The following GNB4 variants were observed in gnomAD, a reference collection of about 807,000 sequenced individuals.
GNB4 encodes guanine nucleotide-binding protein subunit beta-4.
GNB4 carries 28 observed loss-of-function variants against 45.2 expected under a neutral mutation model. The observed-to-expected ratio is 0.62, with a 90% CI of 0.46 to 0.85. The LOEUF (loss-of-function observed/expected upper bound fraction) is 0.85. Among genes scored for constraint, GNB4 ranks in the 40% least tolerant of loss-of-function variants. The pLI is 0.00. For synonymous variants in GNB4, 132 were observed against 143.7 expected (o/e 0.92, Z 0.58); for missense variants, 321 against 425.4 (o/e 0.75, Z 2.16).
At chr3:179,458,970 A>G in the GNB4 span, among the ~76,000 whole-genome samples, 1 of 152,198 alleles carries the variant, frequency 6.6e-6, no homozygotes, top group Non-Finnish European at 1.5e-5. Flanking sequence ...TACATTTAAC[A>G]TACATTTATA....
At chr3:179,409,764 C>G (rs1423754625) in intron 8 of GNB4, among the ~76,000 whole-genome samples, 1 of 149,504 alleles carries the variant, frequency 6.7e-6, no homozygotes, top group East Asian at 1.9e-4. Context: ...GAGCCGAGAT[C>G]GCACCACTAC....
chr3:179,417,002 G>T (rs1036490740), intron 4 of GNB4, among the ~76,000 whole-genome samples: 3 of 152,092 alleles, frequency 2.0e-5, no homozygotes, highest in African/African-American at 7.2e-5. Context: ...CTGCTCTTGA[G>T]GCCTCTACCA....
chr3:179,403,505 AAGTC>A (rs1157135968), intron 9 of GNB4, among the ~76,000 whole-genome samples: 4 of 152,122 alleles, frequency 2.6e-5, no homozygotes, highest in Non-Finnish European at 5.9e-5. Flanking sequence ...TATAATTAAA[AAGTC>A]AGGCCGGGCG....
At chr3:179,432,154 G>C (rs1715327262) in intron 1 of GNB4, among the ~76,000 whole-genome samples, 1 of 152,116 alleles carries the variant, frequency 6.6e-6, no homozygotes, top group Non-Finnish European at 1.5e-5. Context: ...AGGCATGATG[G>C]AAAGGGAGCG....
At chr3:179,519,619 G>T in the GNB4 span, among the ~76,000 whole-genome samples, 12 of 152,016 alleles carry the variant, frequency 7.9e-5, no homozygotes, top group Non-Finnish European at 1.6e-4. Flanking sequence ...TCCCTTATTA[G>T]GCCGAGACAT....
the GNB4 span, among the ~76,000 whole-genome samples, chr3:179,524,447 C>A: frequency 1.3e-5 from 2 of 152,236 alleles, no homozygotes; most frequent in East Asian, 3.8e-4. Context: ...GTGGCTTAGG[C>A]ATTTTGAAGT....
At chr3:179,489,109 T>G in the GNB4 span, among the ~76,000 whole-genome samples, 1 of 134,948 alleles carries the variant, frequency 7.4e-6, no homozygotes, top group African/African-American at 2.7e-5. Flanking sequence ...TATCAGAAAA[T>G]CACTATGAAT....
chr3:179,469,087 C>A, the GNB4 span, among the ~76,000 whole-genome samples: 1 of 152,158 alleles, frequency 6.6e-6, no homozygotes, highest in South Asian at 2.1e-4. Context: ...AACTGGAAGG[C>A]ACTCTGCTCC....
At chr3:179,431,629 T>C (rs1464119653) in intron 1 of GNB4, among the ~76,000 whole-genome samples, 2 of 152,214 alleles carry the variant, frequency 1.3e-5, no homozygotes, top group Non-Finnish European at 2.9e-5. Context: ...CTTATGGTAC[T>C]GTTTAACTTG....
At chr3:179,477,493 A>G in the GNB4 span, among the ~76,000 whole-genome samples, 5 of 152,192 alleles carry the variant, frequency 3.3e-5, no homozygotes, top group Non-Finnish European at 7.3e-5. Flanking sequence ...TCCAGTTTCC[A>G]ATATCTTGCT....
chr3:179,406,985 CTAAGA>C (rs1317074299), intron 8 of GNB4, among the ~76,000 whole-genome samples: 3 of 152,138 alleles, frequency 2.0e-5, no homozygotes, highest in East Asian at 1.9e-4. Flanking sequence ...TTTTCTTCAA[CTAAGA>C]TATTTTTTAA....
chr3:179,466,974 C>A, the GNB4 span, among the ~76,000 whole-genome samples: 2 of 152,138 alleles, frequency 1.3e-5, no homozygotes, highest in African/African-American at 4.8e-5. Context: ...TTAGCTCCCC[C>A]AGGAATGGTG....
the GNB4 span, among the ~76,000 whole-genome samples, chr3:179,504,239 T>C: frequency 2.0e-5 from 3 of 152,188 alleles, no homozygotes; most frequent in East Asian, 5.8e-4. Context: ...TAAAAATAAC[T>C]ATATATCACC....
chr3:179,480,854 C>CTTTTTTTTT, the GNB4 span, among the ~76,000 whole-genome samples: 1 of 124,994 alleles, frequency 8.0e-6, no homozygotes, highest in Non-Finnish European at 1.7e-5. Flanking sequence ...TTTTTTTTTT[C>CTTTTTTTTT]TTTTTTTTTT....
rs17292964 is a variant in GNB4, at chr3:179,399,875, G to A, written c.*1338C>T. 6.6e-6 allele frequency: 1 copy of A among 152,200 alleles called. No homozygotes were observed. Among genetic ancestry groups the A allele is most frequent in the Non-Finnish European group, 1.5e-5 (1 of 68,002 alleles). The allele number at this position is 152,200 out of a possible 1,614,324, so 9.4% of individuals were successfully genotyped here. Reference sequence around the variant, plus strand: ...TATTATCAGTCATTTAGACTTATTTGTAAAAGAGAATCCAACAGGAAAAGT... The same window carrying A: ...TATTATCAGTCATTTAGACTTATTTATAAAAGAGAATCCAACAGGAAAAGT... On this transcript the variant is annotated 3_prime_UTR_variant, in exon 10 of 10. Coordinates refer to ENST00000232564, the MANE Select transcript of GNB4 (RefSeq NM_021629.4).
the GNB4 span, among the ~76,000 whole-genome samples, chr3:179,491,463 G>A: frequency 1.3e-5 from 2 of 152,082 alleles, no homozygotes; most frequent in African/African-American, 4.8e-5. Flanking sequence ...GAAGGCTTAG[G>A]GTAGATATAT....
the GNB4 span, among the ~76,000 whole-genome samples, chr3:179,473,039 T>C: frequency 6.6e-6 from 1 of 152,172 alleles, no homozygotes. Flanking sequence ...GGCACACGCC[T>C]GTAGTCCCAG....
rs1367323399 is a variant in GNB4 at position 179,412,807 on chromosome 3, C to T, written c.699+605G>A. ...TTCTCATCTGAATTCACTGGTAGAA[C>T]ATCCACGATCTGCTTGTTTACTCAT... is the stretch of plus-strand genomic sequence containing the variant. On this transcript the variant is annotated intron_variant, in intron 8 of 9. Transcript: ENST00000232564. Among the ~76,000 whole-genome samples, 4 of 151,022 alleles carry T rather than the reference C, an allele frequency of 2.6e-5. No homozygotes were observed. In the South Asian group the frequency reaches 8.3e-4, roughly 31 times the overall value.
At chr3:179,483,594 T>A in the GNB4 span, among the ~76,000 whole-genome samples, 1 of 152,164 alleles carries the variant, frequency 6.6e-6, no homozygotes. Context: ...GACTATATAG[T>A]AGATTTACTT....
Sources: gnomAD v4.1 joint callset for allele counts (sites outside exome capture counted in the v4.1 genomes callset) on GRCh38, gnomAD v4.1.1 for gene constraint, MANE v1.5 for transcripts, NCBI Gene and HGNC (gene_info 2026-07-23, HGNC 2026-07-21) for gene names.